SYT1: variants seen among roughly 807,000 people sequenced by gnomAD.
The protein encoded by SYT1 is synaptotagmin-1.
SYT1 carries 8 observed loss-of-function variants against 44.8 expected under a neutral mutation model. The ratio of observed to expected loss-of-function variants is 0.18; its 90% CI spans 0.10 to 0.32. SYT1 has a LOEUF of 0.32. SYT1 is among the 10% of genes least tolerant of loss of function. The pLI is 1.00. For missense variants in SYT1, 286 were observed against 509.3 expected, an observed-to-expected ratio of 0.56 and a Z score of 4.22; for synonymous variants, 154 against 188.8, an observed-to-expected ratio of 0.82 and a Z score of 1.51.
At chr12:79,102,828 T>TAAGTAGGTG (rs1878517509) in intron 3 of SYT1, among the ~76,000 whole-genome samples, 2 of 152,220 alleles carry the variant, frequency 1.3e-5, no homozygotes, top group Admixed American at 1.3e-4. Flanking sequence ...GGTGGTCATT[T>TAAGTAGGTG]GTTCTCTGAG....
intron 4 of SYT1, among the ~76,000 whole-genome samples, chr12:79,219,048 C>A (rs1442318014): frequency 6.6e-6 from 1 of 152,058 alleles, no homozygotes; most frequent in Admixed American, 6.6e-5. Flanking sequence ...TGATAATAGC[C>A]ATTCTAACAG....
At chr12:79,203,115 A>C (rs998994018) in intron 3 of SYT1, among the ~76,000 whole-genome samples, 1 of 152,090 alleles carries the variant, frequency 6.6e-6, no homozygotes, top group Non-Finnish European at 1.5e-5. Context: ...TGTGAAAATG[A>C]GATTGTTAAG....
chr12:79,435,629 G>T (rs1870047055), intron 9 of SYT1, among the ~76,000 whole-genome samples: 1 of 152,126 alleles, frequency 6.6e-6, no homozygotes, highest in South Asian at 2.1e-4. Context: ...ATGTTGCAAA[G>T]CCAGTGATGC....
At chr12:78,918,686 C>G (rs191349445) in intron 1 of SYT1, among the ~76,000 whole-genome samples, 1 of 152,012 alleles carries the variant, frequency 6.6e-6, no homozygotes, top group African/African-American at 2.4e-5. Flanking sequence ...CACAGAGAGA[C>G]CAACTGGGGC....
At chr12:79,199,699 A>G (rs906110260) in intron 3 of SYT1, among the ~76,000 whole-genome samples, 2 of 152,174 alleles carry the variant, frequency 1.3e-5, no homozygotes, top group Non-Finnish European at 2.9e-5. Context: ...CCCTTATAAC[A>G]GAGTAATGCA....
intron 3 of SYT1, 76 bp from the exon 4 acceptor site, chr12:79,217,427 A>T (rs542942021): frequency 7.6e-7 from 1 of 1,311,950 alleles, no homozygotes; most frequent in East Asian, 2.7e-5. Context: ...ATGTTGTTTC[A>T]TCTCTGGGAT....
At chr12:79,014,140 A>AAG (rs1871632820) in intron 2 of SYT1, among the ~76,000 whole-genome samples, 1 of 125,538 alleles carries the variant, frequency 8.0e-6, no homozygotes, top group African/African-American at 3.8e-5. Flanking sequence ...AAAAAAAAAG[A>AAG]AAAAAAAAAA....
chr12:79,447,092 A>G (rs906638937), intron 10 of SYT1, among the ~76,000 whole-genome samples: 1 of 152,210 alleles, frequency 6.6e-6, no homozygotes, highest in Non-Finnish European at 1.5e-5. Context: ...TTTCAGAGGC[A>G]ATAGCGTTTT....
At chr12:78,876,338 G>T (rs765829997) in intron 1 of SYT1, among the ~76,000 whole-genome samples, 2 of 150,808 alleles carry the variant, frequency 1.3e-5, no homozygotes, top group African/African-American at 2.4e-5. Flanking sequence ...GCATTACCAC[G>T]CAATCTGCTA....
At chr12:78,927,983 T>A (rs1046917788) in intron 1 of SYT1, among the ~76,000 whole-genome samples, 3 of 152,190 alleles carry the variant, frequency 2.0e-5, no homozygotes, top group Non-Finnish European at 4.4e-5. Context: ...GTTCTTCTGC[T>A]GGGATTTGAA....
intron 3 of SYT1, among the ~76,000 whole-genome samples, chr12:79,213,691 G>A (rs9669283): frequency 0.64 from 96,944 of 152,024 alleles, 31,260 homozygotes; most frequent in Admixed American, 0.7. Context: ...TTGGGAGGCC[G>A]AAGCGGGCGG....
At chr12:79,205,397 A>G (rs1000206616) in intron 3 of SYT1, among the ~76,000 whole-genome samples, 67 of 152,218 alleles carry the variant, frequency 4.4e-4, no homozygotes, top group African/African-American at 1.5e-3. Flanking sequence ...TAGAGCCAGA[A>G]AAATTCTACA....
At chr12:78,897,366 T>C (rs1436742110) in intron 1 of SYT1, among the ~76,000 whole-genome samples, 1 of 151,978 alleles carries the variant, frequency 6.6e-6, no homozygotes, top group Non-Finnish European at 1.5e-5. Flanking sequence ...ACTATCCTTG[T>C]AGGATTAAAT....
chr12:79,163,017 G>A (rs543579535), intron 3 of SYT1, among the ~76,000 whole-genome samples: 80 of 152,186 alleles, frequency 5.3e-4, no homozygotes, highest in African/African-American at 1.9e-3. Context: ...GTTCAAATCA[G>A]AATTGATCCA....
chr12:79,371,043 T>C (rs1883766935), intron 9 of SYT1, among the ~76,000 whole-genome samples: 1 of 152,158 alleles, frequency 6.6e-6, no homozygotes, highest in East Asian at 1.9e-4. Context: ...CTAATAATAA[T>C]TATAGTTATA....
At chr12:79,259,831 A>G (rs984662685) in intron 4 of SYT1, among the ~76,000 whole-genome samples, 21 of 152,226 alleles carry the variant, frequency 1.4e-4, no homozygotes, top group African/African-American at 5.1e-4. Context: ...ACTACTTTAA[A>G]ATACCTATTA....
At chr12:79,377,659 T>C (rs536269699) in intron 9 of SYT1, among the ~76,000 whole-genome samples, 7 of 152,246 alleles carry the variant, frequency 4.6e-5, no homozygotes, top group African/African-American at 1.7e-4. Flanking sequence ...GAGTTGCTTT[T>C]GGAAATTCAG....
chr12:79,108,302 G>A (rs1289117831), intron 3 of SYT1, among the ~76,000 whole-genome samples: 2 of 151,444 alleles, frequency 1.3e-5, no homozygotes, highest in African/African-American at 4.9e-5. Context: ...TGAAAATCTA[G>A]GGAAATATTT....
chr12:79,027,949 G>A (rs61928980), intron 2 of SYT1, among the ~76,000 whole-genome samples: 22,531 of 151,306 alleles, frequency 0.15, 1,910 homozygotes, highest in African/African-American at 0.23. Flanking sequence ...CCCACCTTGT[G>A]TGCATTTGAA....
Sources: gnomAD v4.1 joint callset for allele counts (sites outside exome capture counted in the v4.1 genomes callset) on GRCh38, gnomAD v4.1.1 for gene constraint, MANE v1.5 for transcripts, NCBI Gene and HGNC (gene_info 2026-07-23, HGNC 2026-07-21) for gene names.